The following MAP2 variants were observed in gnomAD, a reference collection of about 807,000 sequenced individuals.
MAP2 encodes the protein microtubule-associated protein 2.
Under a neutral mutation model 137.6 loss-of-function variants are expected in MAP2, and 14 were observed. That is an observed-to-expected ratio of 0.10 (90% CI 0.07 to 0.16). The LOEUF is 0.16. MAP2 is among the 10% of genes least tolerant of loss of function. The pLI is 1.00. For missense variants in MAP2, 2,088 were observed against 2,191.5 expected (o/e 0.95, Z 0.94); for synonymous variants, 786 against 782.3 (o/e 1.00, Z -0.08).
chr2:209,500,876 A>T (rs2060289329), intron 1 of MAP2, among the ~76,000 whole-genome samples: 1 of 151,998 alleles, frequency 6.6e-6, no homozygotes. Flanking sequence ...CTCTACCAAA[A>T]AAATAGAAAA....
chr2:209,714,067 G>A (rs886903147), intron 13 of MAP2, among the ~76,000 whole-genome samples: 4 of 152,066 alleles, frequency 2.6e-5, no homozygotes, highest in African/African-American at 9.7e-5. Flanking sequence ...CAGGCGTGGT[G>A]GTGGGCACCA....
At chr2:209,598,420 T>G (rs1438502211) in intron 3 of MAP2, among the ~76,000 whole-genome samples, 1 of 151,612 alleles carries the variant, frequency 6.6e-6, no homozygotes, top group African/African-American at 2.4e-5. Context: ...TTTATTTATT[T>G]TATTTATTTA....
At chr2:209,475,323 C>T (rs954287762) in intron 1 of MAP2, among the ~76,000 whole-genome samples, 25 of 151,096 alleles carry the variant, frequency 1.7e-4, no homozygotes, top group Admixed American at 1.5e-3. Context: ...ATAGAGTTCT[C>T]CTCTTGTTTT....
At chr2:209,533,857 G>A (rs1344274900) in intron 2 of MAP2, among the ~76,000 whole-genome samples, 1 of 152,166 alleles carries the variant, frequency 6.6e-6, no homozygotes, top group Non-Finnish European at 1.5e-5. Flanking sequence ...CAGGGGTAAG[G>A]GGAGCCGGTC....
At chr2:209,722,505 T>C (rs1358532990) in intron 13 of MAP2, among the ~76,000 whole-genome samples, 1 of 152,190 alleles carries the variant, frequency 6.6e-6, no homozygotes, top group Non-Finnish European at 1.5e-5. Flanking sequence ...CCCTAAAGCA[T>C]TGAAAATGTT....
At chr2:209,552,112 T>C (rs974531152) in intron 2 of MAP2, among the ~76,000 whole-genome samples, 18 of 152,264 alleles carry the variant, frequency 1.2e-4, no homozygotes, top group Non-Finnish European at 1.6e-4. Flanking sequence ...TAAGTGTTTA[T>C]TGACAGCAAA....
At chr2:209,658,429 TC>T (rs1385340016) in intron 5 of MAP2, among the ~76,000 whole-genome samples, 5 of 152,164 alleles carry the variant, frequency 3.3e-5, no homozygotes, top group Non-Finnish European at 5.9e-5. Context: ...GTTCTATGTT[TC>T]TGACCTTGCT....
intron 3 of MAP2, among the ~76,000 whole-genome samples, chr2:209,609,006 C>A (rs147898285): frequency 2.8e-4 from 42 of 152,178 alleles, no homozygotes; most frequent in African/African-American, 9.6e-4. Flanking sequence ...TAGTCCCTGA[C>A]ACATACTTTT....
chr2:209,703,115 T>C (rs1178076163), intron 11 of MAP2, among the ~76,000 whole-genome samples: 1 of 152,086 alleles, frequency 6.6e-6, no homozygotes, highest in African/African-American at 2.4e-5. Context: ...GGCCATCTTT[T>C]CAGTCCTGAC....
intron 5 of MAP2, among the ~76,000 whole-genome samples, chr2:209,656,450 C>T (rs1207006087): frequency 2.0e-5 from 3 of 151,968 alleles, no homozygotes; most frequent in Non-Finnish European, 4.4e-5. Context: ...GTCAAGACTG[C>T]AGTGAGCTGT....
chr2:209,589,947 A>G (rs573739686), intron 3 of MAP2, among the ~76,000 whole-genome samples: 2 of 152,320 alleles, frequency 1.3e-5, no homozygotes, highest in South Asian at 4.1e-4. Context: ...TTCTGGTCTC[A>G]GATGTAGACA....
intron 2 of MAP2, among the ~76,000 whole-genome samples, chr2:209,546,583 A>T (rs2068118178): frequency 6.6e-6 from 1 of 152,296 alleles, no homozygotes; most frequent in South Asian, 2.1e-4. Flanking sequence ...GCTAGTGCAT[A>T]TCAAAAAGGA....
chr2:209,563,696 G>T (rs941086583), intron 2 of MAP2, among the ~76,000 whole-genome samples: 2 of 152,184 alleles, frequency 1.3e-5, no homozygotes, highest in African/African-American at 4.8e-5. Flanking sequence ...CCTTGTGGGC[G>T]CTGGCTGTGC....
intron 5 of MAP2, among the ~76,000 whole-genome samples, chr2:209,665,355 C>A (rs2045848468): frequency 6.6e-6 from 1 of 152,062 alleles, no homozygotes; most frequent in Non-Finnish European, 1.5e-5. Flanking sequence ...TTTTCATGTT[C>A]ATTTCTGCAG....
At chr2:209,588,138 T>G (rs1169698507) in intron 3 of MAP2, among the ~76,000 whole-genome samples, 3 of 152,178 alleles carry the variant, frequency 2.0e-5, no homozygotes, top group Non-Finnish European at 2.9e-5. Flanking sequence ...GTCTACTCTT[T>G]CCATAATGGA....
intron 1 of MAP2, among the ~76,000 whole-genome samples, chr2:209,428,746 A>T (rs1295364008): frequency 6.6e-6 from 1 of 151,768 alleles, no homozygotes; most frequent in Non-Finnish European, 1.5e-5. Context: ...TTTTCCTTGT[A>T]TACCAATCTT....
intron 2 of MAP2, among the ~76,000 whole-genome samples, chr2:209,519,105 C>T (rs2150365911): frequency 6.6e-6 from 1 of 152,098 alleles, no homozygotes; most frequent in South Asian, 2.1e-4. Context: ...CAGAAATCCC[C>T]TCCACCAAAG....
intron 2 of MAP2, among the ~76,000 whole-genome samples, chr2:209,517,534 T>C (rs1206089891): frequency 2.6e-5 from 4 of 152,112 alleles, no homozygotes; most frequent in Non-Finnish European, 5.9e-5. Context: ...TAGTATCTTC[T>C]TCATGTACAT....
At chr2:209,529,535 T>C (rs958823097) in intron 2 of MAP2, among the ~76,000 whole-genome samples, 3 of 152,108 alleles carry the variant, frequency 2.0e-5, no homozygotes, top group Non-Finnish European at 2.9e-5. Context: ...AGAAAAAATA[T>C]ATGGGTCTGA....
Sources: allele counts gnomAD v4.1 joint callset (sites outside exome capture counted in the v4.1 genomes callset), GRCh38; gene constraint gnomAD v4.1.1; transcripts MANE v1.5; gene names NCBI Gene and HGNC (gene_info 2026-07-23, HGNC 2026-07-21).